RNF144A: variants seen among roughly 807,000 people sequenced by gnomAD.
The protein encoded by RNF144A is ring finger protein 144A.
Under a neutral mutation model 38.7 loss-of-function variants are expected in RNF144A, and 11 were observed. That is an observed-to-expected ratio of 0.28 (90% confidence interval 0.18 to 0.47). The LOEUF (loss-of-function observed/expected upper bound fraction) is 0.47. RNF144A is among the 20% of genes least tolerant of loss of function. The pLI, the probability that RNF144A is intolerant of heterozygous loss-of-function variation, is 0.99. For missense variants in RNF144A, 316 were observed against 377.2 expected, an observed-to-expected ratio of 0.84 and a Z score of 1.34; for synonymous variants, 149 against 143.9, an observed-to-expected ratio of 1.04 and a Z score of -0.25.
chr2:7,024,644 G>A (rs773273430), intron 7 of RNF144A, 128 bp downstream of exon 7: 33 of 1,034,790 alleles, frequency 3.2e-5, no homozygotes, highest in Non-Finnish European at 3.9e-5. Context: ...AAGCAACACC[G>A]TTTGGTGTTT....
chr2:7,014,257 C>T (rs1572402884), intron 3 of RNF144A, among the ~76,000 whole-genome samples, 197 bp from the exon 4 acceptor site: 4 of 152,332 alleles, frequency 2.6e-5, no homozygotes, highest in Admixed American at 2.6e-4. Context: ...GTCCCTGGCA[C>T]AGAATGGGTA....
rs1193835018 is a variant in RNF144A at position 6,986,185 on chromosome 2, G to A, written c.-11-10731G>A. ...GTTACAGATGAGGCCACTGTTCCAT[G>A]AAGGTACAGTGACAGCCTCAGGGTC... On this transcript the variant is annotated intron_variant, in intron 2 of 8. Coordinates refer to ENST00000320892, the MANE Select transcript of RNF144A (RefSeq NM_014746.6). Among the ~76,000 whole-genome samples, 3 of 152,100 alleles carry A rather than the reference G, an allele frequency of 2.0e-5. No homozygotes were observed. The South Asian group carries it at 6.2e-4, about 32-fold the overall frequency.
rs1194382629 is a variant in RNF144A, at chr2:6,943,488, G to A, written c.-12+2341G>A. On this transcript the variant is annotated intron_variant, in intron 2 of 8. Transcript: ENST00000320892. The surrounding 1 kb of genome is among the most constrained non-coding windows in gnomAD (Gnocchi z 4.3). ...AGAGTTTGAGGTGGTATCTGGTGGG[G>A]TAAATAAGCTTAGGAGAATTATTTT... Among the ~76,000 whole-genome samples, 1 of 152,216 alleles carries A rather than the reference G, an allele frequency of 6.6e-6. No homozygotes were observed. Among genetic ancestry groups the A allele is most frequent in the African/African-American group, 2.4e-5 (1 of 41,462 alleles).
At chr2:7,056,624 G>A (rs979215374) in intron 6 of RNF144A, among the ~76,000 whole-genome samples, 7 of 152,012 alleles carry the variant, frequency 4.6e-5, no homozygotes, top group Non-Finnish European at 7.4e-5. Context: ...TCCACTTTTC[G>A]GGTTTTCAAT....
intron 2 of RNF144A, among the ~76,000 whole-genome samples, chr2:6,955,114 G>A (rs1275326639): frequency 1.3e-5 from 2 of 152,070 alleles, no homozygotes; most frequent in Non-Finnish European, 2.9e-5. Flanking sequence ...GATAAGAAAC[G>A]TTTTTTCTTT....
chr2:6,980,321 G>A lies in RNF144A; in HGVS notation c.-11-16595G>A, dbSNP rs571118700. On this transcript the variant is annotated intron_variant, in intron 2 of 8. Coordinates refer to ENST00000320892, the MANE Select transcript of RNF144A (RefSeq NM_014746.6). Reference sequence around the variant, plus strand: ...AAAGTCCAAGTCCATAGTCTCATCTGAGACAAGACAAGTCCCTTCCACCGA... The same window carrying A: ...AAAGTCCAAGTCCATAGTCTCATCTAAGACAAGACAAGTCCCTTCCACCGA... 5.9e-5 allele frequency among the ~76,000 whole-genome samples: 9 copies of A among 152,310 alleles called. No individual in the cohort carries two copies. The South Asian group carries it at 1.9e-3, about 32-fold the overall frequency.
chr2:6,920,929 C>T (rs74903549), intron 1 of RNF144A, among the ~76,000 whole-genome samples: 2,834 of 152,296 alleles, frequency 0.019, 43 homozygotes, highest in Non-Finnish European at 0.03. Context: ...TGGATGGCTC[C>T]AGTTTTTTGA....
At chr2:7,065,319 T>C (rs1428456848) in intron 6 of RNF144A, among the ~76,000 whole-genome samples, 2 of 152,210 alleles carry the variant, frequency 1.3e-5, no homozygotes, top group East Asian at 3.8e-4. Flanking sequence ...TCTGGCCCCA[T>C]CAACTGAAGT....
At chr2:7,038,533 A>G (rs1672827229) in intron 8 of RNF144A, among the ~76,000 whole-genome samples, 1 of 152,158 alleles carries the variant, frequency 6.6e-6, no homozygotes, top group African/African-American at 2.4e-5. Flanking sequence ...GCTGAGAGGA[A>G]ACTTGTTAGT....
intron 6 of RNF144A, among the ~76,000 whole-genome samples, chr2:7,057,823 C>T (rs1045874933): frequency 2.0e-5 from 3 of 152,130 alleles, no homozygotes; most frequent in South Asian, 2.1e-4. Context: ...TATATTTTCT[C>T]ATAGAAATCT....
rs1466802573 is a variant in RNF144A, at chr2:6,958,383, A to G, written c.-12+17236A>G. On this transcript the variant is annotated intron_variant, in intron 2 of 8. Transcript: ENST00000320892. The surrounding 1 kb of genome is among the most constrained non-coding windows in gnomAD (Gnocchi z 4.5). ...CTCCCCGACACCCAGGTGACCACCC[A>G]GTTTGGGAGGAAAACAGAATATTGC... 2.6e-5 allele frequency among the ~76,000 whole-genome samples: 4 copies of G among 152,252 alleles called. No homozygotes were observed. The highest frequency in any genetic ancestry group is 9.6e-5 in the African/African-American group (4 of 41,474).
At chr2:6,986,409 G>A (rs1353190779) in intron 2 of RNF144A, among the ~76,000 whole-genome samples, 1 of 152,110 alleles carries the variant, frequency 6.6e-6, no homozygotes, top group Non-Finnish European at 1.5e-5. Context: ...GTTTCTGTTT[G>A]GGGACTTGAA....
At chr2:6,983,912 G>A (rs1166590658) in intron 2 of RNF144A, among the ~76,000 whole-genome samples, 2 of 152,204 alleles carry the variant, frequency 1.3e-5, no homozygotes, top group African/African-American at 4.8e-5. Context: ...CACCGATCTT[G>A]AAACTGCACA....
chr2:7,044,282 A>C, downstream of RNF144A: 2 of 794,832 alleles, frequency 2.5e-6, no homozygotes, highest in Non-Finnish European at 3.0e-6. Flanking sequence ...TGAAGATTGA[A>C]AATATTCAAT....
chr2:6,926,060 G>T (rs1192780712), intron 1 of RNF144A, among the ~76,000 whole-genome samples: 2 of 152,242 alleles, frequency 1.3e-5, no homozygotes, highest in African/African-American at 4.8e-5. Flanking sequence ...GTAGGTGCTT[G>T]CTTCCAGGTG....
intron 2 of RNF144A, among the ~76,000 whole-genome samples, chr2:6,956,858 A>G (rs3772019): frequency 0.1 from 15,488 of 152,276 alleles, 888 homozygotes; most frequent in African/African-American, 0.14. Context: ...ACTTATCTGC[A>G]GCAAAGTTCT....
chr2:7,029,743 T>C (rs1222374274), intron 7 of RNF144A, among the ~76,000 whole-genome samples: 1 of 152,172 alleles, frequency 6.6e-6, no homozygotes, highest in Non-Finnish European at 1.5e-5. Flanking sequence ...CAGCAGGAGC[T>C]CTTTGGAGCA....
At chr2:7,015,690 C>T (rs1671091068) in intron 5 of RNF144A, among the ~76,000 whole-genome samples, 1 of 152,192 alleles carries the variant, frequency 6.6e-6, no homozygotes, top group Non-Finnish European at 1.5e-5. Flanking sequence ...TTCTGGGCCC[C>T]AGGCTTGTCT....
Position 7,024,492 on chromosome 2 carries a change from C to T in RNF144A, c.633C>T (p.Cys211=), listed in dbSNP as rs779121012. ...GCAAGAACTGCAAGCACGCCTTCTG[C>T]TGGTACTGCCTGGAGTCTCTGGACG... ...MMCKNCKHAF[C]WYCLESLDDD... is the part of the protein sequence containing the mutation. Residue 211 remains cysteine, a synonymous_variant, in exon 7 of 9, where the codon TGC becomes TGT. Coordinates refer to ENST00000320892, the MANE Select transcript of RNF144A (RefSeq NM_014746.6). 3 of 1,610,750 alleles carry T rather than the reference C, an allele frequency of 1.9e-6. No homozygotes were observed. In the African/African-American group the frequency reaches 4.0e-5, roughly 22 times the overall value.
Sources: allele counts gnomAD v4.1 joint callset (sites outside exome capture counted in the v4.1 genomes callset), GRCh38; gene constraint gnomAD v4.1.1; non-coding constraint Gnocchi (gnomAD v3.1); transcripts MANE v1.5; gene names NCBI Gene and HGNC (gene_info 2026-07-23, HGNC 2026-07-21).